RIT2: variants seen among roughly 807,000 people sequenced by gnomAD.
The protein encoded by RIT2 is GTP-binding protein Rit2.
In RIT2, 24 loss-of-function variants were observed where a neutral mutation model predicts 23.7. The observed-to-expected ratio is 1.01, with a 90% CI of 0.73 to 1.43. The LOEUF (loss-of-function observed/expected upper bound fraction) is 1.43. Ranked by LOEUF, RIT2 falls within the 40% of genes most tolerant of loss-of-function variation. The probability of loss-of-function intolerance (pLI) is 0.00; values close to 1 mark genes in which losing one functional copy is unlikely to be tolerated. For synonymous variants in RIT2, 107 were observed against 91.1 expected, an observed-to-expected ratio of 1.17 and a Z score of -0.99; for missense variants, 236 against 266.9, an observed-to-expected ratio of 0.88 and a Z score of 0.81.
At chr18:42,782,779 A>T (rs1336840597) in intron 4 of RIT2, among the ~76,000 whole-genome samples, 1 of 152,104 alleles carries the variant, frequency 6.6e-6, no homozygotes, top group Admixed American at 6.6e-5. Flanking sequence ...TTGGTAGGGA[A>T]TCTAAATGTT....
chr18:43,019,581 T>C (rs1436329850), intron 2 of RIT2, among the ~76,000 whole-genome samples: 2 of 151,948 alleles, frequency 1.3e-5, no homozygotes, highest in Non-Finnish European at 2.9e-5. Context: ...GCTAACATCA[T>C]ACTGAATGGG....
intron 2 of RIT2, among the ~76,000 whole-genome samples, chr18:42,985,098 T>G (rs563163129): frequency 6.6e-6 from 1 of 152,182 alleles, no homozygotes; most frequent in South Asian, 2.1e-4. Flanking sequence ...ACAAACTTAG[T>G]AAAGAAAAAT....
At chr18:42,828,751 C>T (rs1439675650) in intron 4 of RIT2, among the ~76,000 whole-genome samples, 2 of 152,172 alleles carry the variant, frequency 1.3e-5, no homozygotes, top group Admixed American at 6.5e-5. Flanking sequence ...ATATTCTATT[C>T]TCACATTGGA....
chr18:42,957,550 G>A (rs910252303), intron 3 of RIT2, among the ~76,000 whole-genome samples: 1 of 152,230 alleles, frequency 6.6e-6, no homozygotes, highest in Non-Finnish European at 1.5e-5. Context: ...TTGGGAGGCC[G>A]AAGCAGGTGG....
At chr18:43,037,016 C>A (rs1396189912) in intron 1 of RIT2, among the ~76,000 whole-genome samples, 7 of 152,144 alleles carry the variant, frequency 4.6e-5, no homozygotes, top group Non-Finnish European at 1.0e-4. Context: ...TTATTCCTTG[C>A]TAAAGAGCAA....
At chr18:43,103,760 G>C (rs1913743467) in intron 1 of RIT2, among the ~76,000 whole-genome samples, 1 of 152,134 alleles carries the variant, frequency 6.6e-6, no homozygotes, top group African/African-American at 2.4e-5. Flanking sequence ...GGACATGTCT[G>C]GGTCTATTTC....
intron 4 of RIT2, among the ~76,000 whole-genome samples, chr18:42,751,014 G>A (rs994289651): frequency 1.3e-5 from 2 of 151,870 alleles, no homozygotes; most frequent in Non-Finnish European, 2.9e-5. Flanking sequence ...TGTTCAGGCA[G>A]TGGGACATTA....
intron 2 of RIT2, among the ~76,000 whole-genome samples, chr18:43,032,369 A>G (rs1360685338): frequency 6.6e-6 from 1 of 152,080 alleles, no homozygotes; most frequent in East Asian, 1.9e-4. Flanking sequence ...ACCAATACAT[A>G]CAAAGCTTAA....
At chr18:42,903,029 C>A (rs549909688) in intron 4 of RIT2, among the ~76,000 whole-genome samples, 1 of 151,580 alleles carries the variant, frequency 6.6e-6, no homozygotes, top group African/African-American at 2.4e-5. Flanking sequence ...TCAAAAAGAT[C>A]GAGGAGGCAT....
intron 4 of RIT2, among the ~76,000 whole-genome samples, chr18:42,886,271 C>T (rs1425800801): frequency 6.6e-6 from 1 of 152,100 alleles, no homozygotes; most frequent in Non-Finnish European, 1.5e-5. Context: ...GGAATGAGTA[C>T]TTTAAACAGA....
At chr18:42,872,115 C>CA (rs888420867) in intron 4 of RIT2, among the ~76,000 whole-genome samples, 48 of 149,942 alleles carry the variant, frequency 3.2e-4, no homozygotes, top group Admixed American at 1.4e-3. Context: ...AAGTAAAAAA[C>CA]AAAAAAAAAT....
intron 2 of RIT2, among the ~76,000 whole-genome samples, chr18:43,001,900 C>T (rs189349364): frequency 3.3e-5 from 5 of 152,022 alleles, no homozygotes; most frequent in Admixed American, 3.3e-4. Flanking sequence ...GATGTGTGTG[C>T]ATGCCATAAG....
intron 1 of RIT2, among the ~76,000 whole-genome samples, chr18:43,046,223 G>A (rs1257136802): frequency 6.6e-6 from 1 of 152,130 alleles, no homozygotes; most frequent in Non-Finnish European, 1.5e-5. Flanking sequence ...AGTGCTGTAT[G>A]ACATCTGTTC....
chr18:43,078,035 C>G (rs1199455306), intron 1 of RIT2, among the ~76,000 whole-genome samples: 1 of 152,150 alleles, frequency 6.6e-6, no homozygotes, highest in East Asian at 1.9e-4. Flanking sequence ...AAGACATTCT[C>G]TTTTGAAAGC....
chr18:42,874,756 C>CT (rs578085313), intron 4 of RIT2, among the ~76,000 whole-genome samples: 2 of 151,832 alleles, frequency 1.3e-5, no homozygotes, highest in South Asian at 2.1e-4. Flanking sequence ...GAGGATCTGA[C>CT]TTTTTTTTAG....
In RIT2 at chr18:42,743,509, CTCT is replaced by C. The variant is rs750549822; in HGVS notation, c.635_637del (p.Lys212del). On this transcript the variant is annotated inframe_deletion, in exon 5 of 5. Coordinates refer to ENST00000326695, the MANE Select transcript of RIT2 (RefSeq NM_002930.4). Reference sequence around the variant, plus strand: ...GCAAAGATATCATGTCATATTTTCTCTCTTCTTCTTCAAAGAACCTTTGAGCTT... The same window carrying C: ...GCAAAGATATCATGTCATATTTTCTCTCTTCTTCAAAGAACCTTTGAGCTT... The C allele has an allele frequency of 1.4e-4, 233 of 1,612,176 alleles. No homozygotes were observed. In the East Asian group the frequency reaches 4.9e-3, roughly 34 times the overall value.
chr18:42,927,102 G>C (rs1232305470), intron 3 of RIT2, among the ~76,000 whole-genome samples: 1 of 151,880 alleles, frequency 6.6e-6, no homozygotes, highest in Admixed American at 6.6e-5. Context: ...ATTATCTCTG[G>C]TACAAATCTG....
intron 4 of RIT2, among the ~76,000 whole-genome samples, chr18:42,906,650 C>T (rs992679942): frequency 6.6e-6 from 1 of 152,142 alleles, no homozygotes. Context: ...ATTTTAATTG[C>T]AGATTATTTT....
chr18:42,931,277 A>C (rs143404280), intron 3 of RIT2, among the ~76,000 whole-genome samples: 1 of 152,300 alleles, frequency 6.6e-6, no homozygotes, highest in Non-Finnish European at 1.5e-5. Flanking sequence ...CTGGAGGATG[A>C]AGATAAAAGG....
Sources: allele counts gnomAD v4.1 joint callset (sites outside exome capture counted in the v4.1 genomes callset), GRCh38; gene constraint gnomAD v4.1.1; transcripts MANE v1.5; gene names NCBI Gene and HGNC (gene_info 2026-07-23, HGNC 2026-07-21).